Variants in CSMD3 observed in about 807,000 individuals in gnomAD.
CSMD3 encodes the protein CUB and Sushi multiple domains 3.
CSMD3 carries 177 observed loss-of-function variants against 435.2 expected under a neutral mutation model. The ratio of observed to expected loss-of-function variants is 0.41; its 90% CI spans 0.36 to 0.46. The LOEUF (loss-of-function observed/expected upper bound fraction) is 0.46, where lower values mean the gene tolerates loss of function less well. Among genes scored for constraint, CSMD3 ranks in the 20% least tolerant of loss-of-function variants. The probability of loss-of-function intolerance (pLI) is 0.34; values close to 1 mark genes in which losing one functional copy is unlikely to be tolerated. For missense variants in CSMD3, 4,265 were observed against 4,504.6 expected, an observed-to-expected ratio of 0.95 and a Z score of 1.52; for synonymous variants, 1,656 against 1,520.5, an observed-to-expected ratio of 1.09 and a Z score of -2.07.
At chr8:113,414,183 T>C (rs892458558) in intron 1 of CSMD3, among the ~76,000 whole-genome samples, 2 of 152,228 alleles carry the variant, frequency 1.3e-5, no homozygotes, top group African/African-American at 4.8e-5. Flanking sequence ...CTATTGAGTA[T>C]GTAAAATGTG....
intron 63 of CSMD3, among the ~76,000 whole-genome samples, chr8:112,250,564 T>G (rs1407408149): frequency 6.6e-6 from 1 of 151,554 alleles, no homozygotes; most frequent in Non-Finnish European, 1.5e-5. Flanking sequence ...TATATCCTTC[T>G]GACTGAACAA....
chr8:113,433,964 C>T (rs2094690375), intron 1 of CSMD3, among the ~76,000 whole-genome samples: 1 of 152,128 alleles, frequency 6.6e-6, no homozygotes, highest in Non-Finnish European at 1.5e-5. Flanking sequence ...TGTCCCACGC[C>T]TCAGTTTGGT....
chr8:113,348,334 T>C (rs2094165876), intron 1 of CSMD3, among the ~76,000 whole-genome samples: 1 of 152,168 alleles, frequency 6.6e-6, no homozygotes, highest in Non-Finnish European at 1.5e-5. Flanking sequence ...GGCATTTATG[T>C]AATTTCTCAA....
At chr8:112,525,797 T>C (rs958612498) in intron 27 of CSMD3, among the ~76,000 whole-genome samples, 8 of 126,596 alleles carry the variant, frequency 6.3e-5, no homozygotes, top group Admixed American at 5.0e-4. Flanking sequence ...TATATATATG[T>C]ATATATATAT....
chr8:112,995,406 G>T (rs776966151), intron 6 of CSMD3, among the ~76,000 whole-genome samples: 1 of 151,462 alleles, frequency 6.6e-6, no homozygotes, highest in Non-Finnish European at 1.5e-5. Context: ...ACAGCTCGAA[G>T]CAGATGTTTG....
In CSMD3 at chr8:112,447,156, A is replaced by G. The variant is rs1815699922; in HGVS notation, c.5395+25435T>C. On this transcript the variant is annotated intron_variant, in intron 32 of 70. Coordinates refer to ENST00000297405, the MANE Select transcript of CSMD3 (RefSeq NM_198123.2). The stretch of plus-strand genomic sequence containing the variant: ...TAGAAATTAAGATAAGTCTAACAAG[A>G]TAAAAATCTCTTTGAGCCTTTGGAT... Among the ~76,000 whole-genome samples, 5 of 152,158 alleles carry G rather than the reference A, an allele frequency of 3.3e-5. No homozygotes were observed. The South Asian group carries it at 1.0e-3, about 31-fold the overall frequency.
rs1304670811 is a variant in CSMD3, at chr8:113,221,900, G to A, written c.515-47984C>T. Reference sequence around the variant, plus strand: ...GTTTACTTTTTATCTCCCCTTAGTAGAACACTAGTCAATAAGAGCAGGGAC... The same window carrying A: ...GTTTACTTTTTATCTCCCCTTAGTAAAACACTAGTCAATAAGAGCAGGGAC... On this transcript the variant is annotated intron_variant, in intron 3 of 70. Coordinates refer to ENST00000297405, the MANE Select transcript of CSMD3 (RefSeq NM_198123.2). Among the ~76,000 whole-genome samples the A allele has an allele frequency of 4.6e-5, 7 of 151,258 alleles. No homozygotes were observed. In the East Asian group the frequency reaches 1.4e-3, roughly 29 times the overall value.
chr8:112,814,768 C>A (rs890463525), intron 12 of CSMD3, among the ~76,000 whole-genome samples: 16 of 148,788 alleles, frequency 1.1e-4, no homozygotes, highest in Non-Finnish European at 2.2e-4. Context: ...GGCAACAGAG[C>A]AAGACTCCAT....
intron 11 of CSMD3, among the ~76,000 whole-genome samples, chr8:112,844,333 A>G (rs1284903132): frequency 6.6e-6 from 1 of 151,964 alleles, no homozygotes; most frequent in Non-Finnish European, 1.5e-5. Context: ...AGAGGTTGTC[A>G]TATCTTTCCA....
At chr8:113,027,185 C>T (rs1481596278) in intron 5 of CSMD3, among the ~76,000 whole-genome samples, 1 of 151,970 alleles carries the variant, frequency 6.6e-6, no homozygotes, top group African/African-American at 2.4e-5. Flanking sequence ...TTAAAACTGC[C>T]CAGCAAACAT....
Position 112,304,790 on chromosome 8 carries a change from C to G in CSMD3, c.8197G>C (p.Gly2733Arg), listed in dbSNP as rs2130777697. Residue 2733 changes from glycine to arginine, a missense_variant, in exon 52 of 71, where the codon GGT (glycine) becomes CGT (arginine). This residue lies in a region of CSMD3 where 3,255 missense variants were observed against 3,380.2 expected (regional missense o/e 0.96). Transcript: ENST00000297405. ...FSCDPGYHGLGPASIECLPNG... is the reference protein window; with the variant it reads ...FSCDPGYHGLRPASIECLPNG... Reference sequence around the variant, plus strand: ...GGAAGACATTCGATGGAGGCAGGACCTAGTCCATGATAACCAGGGTCACAG... The same window carrying G: ...GGAAGACATTCGATGGAGGCAGGACGTAGTCCATGATAACCAGGGTCACAG... The G allele has an allele frequency of 6.2e-7, 1 of 1,613,858 alleles. No homozygotes were observed. Among genetic ancestry groups the G allele is most frequent in the Non-Finnish European group, 8.5e-7 (1 of 1,179,854 alleles).
At chr8:112,667,225 C>T (rs1307898171) in intron 16 of CSMD3, among the ~76,000 whole-genome samples, 2 of 152,098 alleles carry the variant, frequency 1.3e-5, no homozygotes, top group Non-Finnish European at 2.9e-5. Context: ...CTTAAAATCA[C>T]TTTGAAGTCA....
intron 13 of CSMD3, among the ~76,000 whole-genome samples, chr8:112,788,256 A>G (rs369328013): frequency 1.4e-4 from 22 of 152,230 alleles, no homozygotes; most frequent in African/African-American, 5.3e-4. Context: ...GGAGAAATGG[A>G]CATCTTTTGT....
chr8:112,952,208 C>T (rs2083842231), intron 8 of CSMD3, among the ~76,000 whole-genome samples: 1 of 150,916 alleles, frequency 6.6e-6, no homozygotes, highest in South Asian at 2.1e-4. Flanking sequence ...CCCATGAACA[C>T]TACTGGAGCT....
At chr8:113,143,827 G>C (rs1473567056) in intron 4 of CSMD3, among the ~76,000 whole-genome samples, 1 of 151,274 alleles carries the variant, frequency 6.6e-6, no homozygotes, top group East Asian at 2.0e-4. Context: ...GGCTATAAAA[G>C]GGCAATATAA....
chr8:113,061,794 G>A (rs1313875988), intron 5 of CSMD3, among the ~76,000 whole-genome samples: 1 of 151,780 alleles, frequency 6.6e-6, no homozygotes. Context: ...TTCTGTAAAG[G>A]AATAAATACA....
intron 13 of CSMD3, among the ~76,000 whole-genome samples, chr8:112,708,638 G>T (rs1218525960): frequency 2.0e-5 from 3 of 147,918 alleles, no homozygotes; most frequent in Non-Finnish European, 4.5e-5. Context: ...GGTTGTTAGG[G>T]TAATGCTTCT....
chr8:112,368,189 A>C (rs1261818006), intron 38 of CSMD3, among the ~76,000 whole-genome samples: 1 of 152,126 alleles, frequency 6.6e-6, no homozygotes, highest in Non-Finnish European at 1.5e-5. Flanking sequence ...GCCAGAAGGA[A>C]TTCTTTTGAC....
intron 3 of CSMD3, among the ~76,000 whole-genome samples, chr8:113,273,169 T>C (rs984730742): frequency 9.9e-5 from 15 of 152,014 alleles, no homozygotes; most frequent in African/African-American, 3.1e-4. Flanking sequence ...ACAAATTTTG[T>C]TTAAATAAAA....
Sources: allele counts gnomAD v4.1 joint callset (sites outside exome capture counted in the v4.1 genomes callset), GRCh38; gene constraint gnomAD v4.1.1; regional missense constraint gnomAD v4.1.1; transcripts MANE v1.5; gene names NCBI Gene and HGNC (gene_info 2026-07-23, HGNC 2026-07-21).